The following TBXAS1 variants were observed in gnomAD, a reference collection of about 807,000 sequenced individuals.
TBXAS1 encodes the protein thromboxane-A synthase.
TBXAS1 carries 48 observed loss-of-function variants against 60.7 expected under a neutral mutation model. The observed-to-expected ratio is 0.79, with a 90% CI of 0.63 to 1.01. The LOEUF (loss-of-function observed/expected upper bound fraction) is 1.01, where lower values mean the gene tolerates loss of function less well. Among genes scored for constraint, TBXAS1 ranks in the 50% least tolerant of loss-of-function variants. TBXAS1 has a pLI of 0.00. For missense variants in TBXAS1, 685 were observed against 686.3 expected (o/e 1.00, Z 0.02); for synonymous variants, 287 against 269.7 (o/e 1.06, Z -0.63).
At chr7:139,811,533 T>G (rs758614254) in intron 4 of TBXAS1, among the ~76,000 whole-genome samples, 1 of 152,226 alleles carries the variant, frequency 6.6e-6, no homozygotes, top group South Asian at 2.1e-4. Context: ...CTGGCATGAC[T>G]GGGTGTCTTA....
At chr7:139,879,405 C>T (rs564527636) in intron 3 of TBXAS1, among the ~76,000 whole-genome samples, 100 of 152,272 alleles carry the variant, frequency 6.6e-4, no homozygotes, top group South Asian at 1.5e-3. Context: ...CTGAATTGCA[C>T]AGCAACCTGG....
intron 1 of TBXAS1, 119 bp from the exon 2 acceptor site, chr7:139,872,116 C>A: frequency 9.5e-7 from 1 of 1,055,086 alleles, no homozygotes; most frequent in Non-Finnish European, 1.4e-6. Context: ...GATGTGGTGA[C>A]TGGAAACCTA....
intron 10 of TBXAS1, 98 bp from the exon 11 acceptor site, chr7:140,015,623 CCT>C (rs1250986558): frequency 3.4e-5 from 47 of 1,376,082 alleles, no homozygotes; most frequent in Non-Finnish European, 4.5e-5. Context: ...GCTGCCTGCC[CCT>C]GATCCCCTTC....
At chr7:139,816,842 A>C (rs1033003149) in intron 4 of TBXAS1, among the ~76,000 whole-genome samples, 6 of 152,022 alleles carry the variant, frequency 3.9e-5, no homozygotes, top group Admixed American at 3.3e-4. Flanking sequence ...TGACTCCCCC[A>C]TCCAGGCTTG....
In TBXAS1 at chr7:139,802,566, C is replaced by A. The variant is rs1797748120; in HGVS notation, c.-80+15140C>A. Among the ~76,000 whole-genome samples, 4 of 152,272 alleles carry A rather than the reference C, an allele frequency of 2.6e-5. No homozygotes were observed. In the East Asian group the frequency reaches 7.7e-4, roughly 29 times the overall value. On this transcript the variant is annotated intron_variant, in intron 4 of 16. Transcript: ENST00000336425. ...TTGGGAGGCTGAAGTGGGTAGATTA[C>A]CTGAGGTTAGGAGTTCAAGACCAAC...
intron 4 of TBXAS1, among the ~76,000 whole-genome samples, chr7:139,935,240 A>G (rs1807657869): frequency 6.6e-6 from 1 of 152,226 alleles, no homozygotes; most frequent in South Asian, 2.1e-4. Context: ...CTGACATAAA[A>G]TGGCATAGTA....
intron 5 of TBXAS1, among the ~76,000 whole-genome samples, chr7:139,950,633 C>T (rs1475634881): frequency 1.3e-5 from 2 of 152,058 alleles, no homozygotes; most frequent in African/African-American, 4.8e-5. Context: ...CTTCATGGAG[C>T]CATTGCAGCT....
rs8192838 is a variant in TBXAS1, at chr7:139,968,095, T to C, written c.1134+5862T>C. Among the ~76,000 whole-genome samples, 117 of 152,322 alleles carry C rather than the reference T, an allele frequency of 7.7e-4. No homozygotes were observed. In the East Asian group the frequency reaches 0.02, roughly 26 times the overall value. ...AAAGTCAATAATTCAGATTCTCTAC[T>C]GTTAGCAGTTCTAAACCCCTGGCGC... On this transcript the variant is annotated intron_variant, in intron 9 of 12. Transcript: ENST00000448866.
intron 1 of TBXAS1, among the ~76,000 whole-genome samples, chr7:139,831,141 G>T (rs963322984): frequency 3.3e-5 from 5 of 152,116 alleles, no homozygotes; most frequent in Admixed American, 6.5e-5. Flanking sequence ...AGGAGGCCCT[G>T]GTACAAGGTC....
chr7:139,959,888 C>G (rs148311312), intron 8 of TBXAS1, among the ~76,000 whole-genome samples: 177 of 152,254 alleles, frequency 1.2e-3, no homozygotes, highest in African/African-American at 4.0e-3. Context: ...GCTCACTTCC[C>G]CTGCGTGCCA....
At chr7:139,899,713 G>T (rs1804424852) in intron 3 of TBXAS1, among the ~76,000 whole-genome samples, 2 of 152,176 alleles carry the variant, frequency 1.3e-5, no homozygotes, top group Admixed American at 1.3e-4. Context: ...ATTGGGCTGG[G>T]GGTTTTCTGG....
rs1449249866 is a variant in TBXAS1, at chr7:139,905,070, TC to T, written c.237-6154del. ...TTCTTTCTTTCTTTCTCTCTCTCTC[TC>T]TCTCTTTCTCTTTCTCCCTCTCTCT... On this transcript the variant is annotated intron_variant, in intron 3 of 12. Transcript: ENST00000448866. Among the ~76,000 whole-genome samples the T allele has an allele frequency of 5.7e-4, 79 of 138,588 alleles. 1 individual carries two copies. The highest frequency in any genetic ancestry group is 1.5e-3 in the African/African-American group (53 of 35,212). 90.9% of individuals were successfully genotyped at this position (138,588 alleles called of 152,430 possible).
intron 10 of TBXAS1, among the ~76,000 whole-genome samples, chr7:140,008,681 T>G (rs1185809813): frequency 2.6e-5 from 4 of 152,172 alleles, no homozygotes; most frequent in Non-Finnish European, 5.9e-5. Context: ...ACTCCTGACC[T>G]CAGGTGATCT....
Position 139,985,877 on chromosome 7 carries a change from C to T in TBXAS1, c.1135-21214C>T, listed in dbSNP as rs1177740146. On this transcript the variant is annotated intron_variant, in intron 9 of 12. Coordinates refer to ENST00000448866, the MANE Select transcript of TBXAS1 (RefSeq NM_001061.7). The stretch of plus-strand genomic sequence containing the variant: ...CCTCTTGTCCAGCTCCATGCCCTCC[C>T]CCATAGTGTGTGGACCATCGGGGGC... 2.6e-5 allele frequency among the ~76,000 whole-genome samples: 4 copies of T among 152,210 alleles called. No homozygotes were observed. The East Asian group carries it at 7.7e-4, about 29-fold the overall frequency.
chr7:139,841,334 C>G (rs1186618030), intron 1 of TBXAS1, among the ~76,000 whole-genome samples: 1 of 152,094 alleles, frequency 6.6e-6, no homozygotes, highest in Non-Finnish European at 1.5e-5. Context: ...GGGGAAGTAC[C>G]CCAGGCAAAG....
chr7:139,849,207 C>T (rs1250878336), intron 1 of TBXAS1, among the ~76,000 whole-genome samples: 2 of 151,622 alleles, frequency 1.3e-5, no homozygotes, highest in Non-Finnish European at 2.9e-5. Context: ...AGGAAGTCTC[C>T]GTCTCTACAG....
intron 9 of TBXAS1, among the ~76,000 whole-genome samples, chr7:139,993,144 C>A (rs184163783): frequency 5.9e-5 from 9 of 152,278 alleles, no homozygotes; most frequent in Admixed American, 5.9e-4. Flanking sequence ...TTGCAGTGAG[C>A]CGATCCAGCC....
In TBXAS1 at chr7:139,999,540, A is replaced by G. The variant is rs1813522524; in HGVS notation, c.1135-7551A>G. ...CTCTGTCTCCAAAAAACCAGTTGCA[A>G]GGGTGAGGGGCTTTGCCTCTGGTTT... On this transcript the variant is annotated intron_variant, in intron 9 of 12. Coordinates refer to ENST00000448866, the MANE Select transcript of TBXAS1 (RefSeq NM_001061.7). The surrounding 1 kb of genome is among the most constrained non-coding windows in gnomAD (Gnocchi z 4.3). Among the ~76,000 whole-genome samples, 1 of 152,210 alleles carries G rather than the reference A, an allele frequency of 6.6e-6. No individual in the cohort carries two copies. Among genetic ancestry groups the G allele is most frequent in the Non-Finnish European group, 1.5e-5 (1 of 68,036 alleles).
chr7:139,975,497 G>T lies in TBXAS1; in HGVS notation c.1134+13264G>T, dbSNP rs1338001835. ...ACCAAGTGGATCAATGGTGGCTCTG[G>T]CATTTCTATAAAGGGGATTTCAGGG... On this transcript the variant is annotated intron_variant, in intron 9 of 12. Transcript: ENST00000448866. This position sits in a 1 kb window ranked among gnomAD's most constrained non-coding sequence, Gnocchi z 4.4. Among the ~76,000 whole-genome samples the T allele has an allele frequency of 2.6e-5, 4 of 152,018 alleles. No individual in the cohort carries two copies. Among genetic ancestry groups the T allele is most frequent in the Non-Finnish European group, 5.9e-5 (4 of 67,998 alleles).
Sources: allele counts gnomAD v4.1 joint callset (sites outside exome capture counted in the v4.1 genomes callset), GRCh38; gene constraint gnomAD v4.1.1; non-coding constraint Gnocchi (gnomAD v3.1); transcripts MANE v1.5; gene names NCBI Gene and HGNC (gene_info 2026-07-23, HGNC 2026-07-21).